EPHA7: variants seen among roughly 807,000 people sequenced by gnomAD.
EPHA7 encodes EPH receptor A7, also known as ephrin type-A receptor 7.
A neutral mutation model predicts 112.6 loss-of-function variants in EPHA7; 25 were observed. The ratio of observed to expected loss-of-function variants is 0.22; its 90% CI spans 0.16 to 0.31. EPHA7 has a LOEUF of 0.31. EPHA7 is among the 10% of genes least tolerant of loss of function. The pLI, the probability that EPHA7 is intolerant of heterozygous loss-of-function variation, is 1.00. For synonymous variants in EPHA7, 437 were observed against 406.5 expected (o/e 1.07, Z -0.90); for missense variants, 962 against 1,212.6 (o/e 0.79, Z 3.07).
At chr6:93,418,765 G>C (rs1473825555) in intron 1 of EPHA7, among the ~76,000 whole-genome samples, 1 of 152,148 alleles carries the variant, frequency 6.6e-6, no homozygotes, top group Non-Finnish European at 1.5e-5. Flanking sequence ...GGTCCCTCTG[G>C]GAAGGCTCCG....
At chr6:93,391,552 A>G (rs983489183) in intron 3 of EPHA7, among the ~76,000 whole-genome samples, 3 of 151,942 alleles carry the variant, frequency 2.0e-5, no homozygotes, top group Non-Finnish European at 4.4e-5. Flanking sequence ...AAACTAAAAA[A>G]CTATTCCTCC....
At chr6:93,253,740 G>T (rs1200844729) in intron 14 of EPHA7, among the ~76,000 whole-genome samples, 1 of 152,008 alleles carries the variant, frequency 6.6e-6, no homozygotes, top group Non-Finnish European at 1.5e-5. Flanking sequence ...CTTCCTTAGA[G>T]AATTGGCTCA....
At chr6:93,397,884 C>G (rs1265490960) in intron 3 of EPHA7, among the ~76,000 whole-genome samples, 1 of 151,912 alleles carries the variant, frequency 6.6e-6, no homozygotes, top group Non-Finnish European at 1.5e-5. Context: ...AATGTGAACT[C>G]TGGTATGTAT....
chr6:93,371,267 A>T (rs1776782723), intron 3 of EPHA7, among the ~76,000 whole-genome samples: 1 of 150,788 alleles, frequency 6.6e-6, no homozygotes, highest in Admixed American at 6.6e-5. Context: ...GGGGAAAAAA[A>T]TAACAAAAAA....
At chr6:93,396,465 A>T (rs1338458641) in intron 3 of EPHA7, among the ~76,000 whole-genome samples, 1 of 151,874 alleles carries the variant, frequency 6.6e-6, no homozygotes, top group African/African-American at 2.4e-5. Context: ...CCTAACAAAG[A>T]TGCTATAACG....
intron 5 of EPHA7, among the ~76,000 whole-genome samples, chr6:93,341,550 G>A (rs967717374): frequency 5.3e-5 from 8 of 151,786 alleles, no homozygotes; most frequent in African/African-American, 1.9e-4. Context: ...ATAGAAAACA[G>A]AGTATATAAC....
At chr6:93,302,808 G>GA (rs1773055933) in intron 5 of EPHA7, among the ~76,000 whole-genome samples, 1 of 141,966 alleles carries the variant, frequency 7.0e-6, no homozygotes, top group African/African-American at 2.6e-5. Flanking sequence ...CAGCATGGAG[G>GA]GACCTGGAGT....
chr6:93,368,366 G>C (rs1028772978), intron 3 of EPHA7, among the ~76,000 whole-genome samples: 2 of 152,080 alleles, frequency 1.3e-5, no homozygotes, highest in African/African-American at 2.4e-5. Flanking sequence ...AGCACAGGTA[G>C]ACATGCAGGA....
At chr6:93,271,748 T>C (rs532324651) in intron 6 of EPHA7, among the ~76,000 whole-genome samples, 3 of 152,012 alleles carry the variant, frequency 2.0e-5, no homozygotes, top group East Asian at 1.9e-4. Flanking sequence ...ATAAGTCCCA[T>C]ACATGATTAT....
chr6:93,322,869 C>A (rs1774143893), intron 5 of EPHA7, among the ~76,000 whole-genome samples: 1 of 151,508 alleles, frequency 6.6e-6, no homozygotes, highest in Non-Finnish European at 1.5e-5. Context: ...CCCATCTGTG[C>A]TTTACGTGTG....
chr6:93,391,119 T>C (rs1425861710), intron 3 of EPHA7, among the ~76,000 whole-genome samples: 2 of 151,968 alleles, frequency 1.3e-5, no homozygotes, highest in Non-Finnish European at 2.9e-5. Context: ...TATTTAAATC[T>C]AGTCTAATAA....
intron 3 of EPHA7, among the ~76,000 whole-genome samples, chr6:93,359,866 G>GAC (rs766436990): frequency 1.6e-5 from 2 of 122,960 alleles, no homozygotes; most frequent in African/African-American, 6.0e-5. Flanking sequence ...GAGAGAGAGA[G>GAC]AGAGAGAGAG....
chr6:93,402,136 A>T (rs1313298152), intron 3 of EPHA7, among the ~76,000 whole-genome samples: 1 of 152,038 alleles, frequency 6.6e-6, no homozygotes, highest in Non-Finnish European at 1.5e-5. Context: ...CAAACCACAG[A>T]AAACTAAATC....
chr6:93,293,012 T>A (rs1772461492), intron 5 of EPHA7, among the ~76,000 whole-genome samples: 1 of 152,042 alleles, frequency 6.6e-6, no homozygotes, highest in African/African-American at 2.4e-5. Context: ...ATGATAGAGA[T>A]GAGAAATAGT....
At chr6:93,414,790 CAT>C (rs1359057440) in intron 1 of EPHA7, 23 bp from the exon 2 acceptor site, 1 of 1,598,674 alleles carries the variant, frequency 6.3e-7, no homozygotes, top group Non-Finnish European at 8.6e-7. Context: ...GTTGTATTTC[CAT>C]ATGTTACATG....
At position 93,332,375 on chromosome 6, in the gene EPHA7, T is replaced by C. The variant is rs916430967; in HGVS notation, c.1324+24342A>G. Among the ~76,000 whole-genome samples, 8 of 151,876 alleles carry C rather than the reference T, an allele frequency of 5.3e-5. No individual in the cohort carries two copies. The East Asian group carries it at 1.5e-3, about 29-fold the overall frequency. ...CCCCAACTCAGGCAAATTATATTTCTAGTAAGTACTATAAATAATGAACAG... is the reference window on the plus strand; with the variant it reads ...CCCCAACTCAGGCAAATTATATTTCCAGTAAGTACTATAAATAATGAACAG... On this transcript the variant is annotated intron_variant, in intron 5 of 16. Transcript: ENST00000369303.
At chr6:93,289,388 A>G (rs1053097803) in intron 5 of EPHA7, among the ~76,000 whole-genome samples, 59 of 152,152 alleles carry the variant, frequency 3.9e-4, no homozygotes, top group Admixed American at 3.2e-3. Context: ...ATTAATTCAT[A>G]GTTTATAAAC....
intron 5 of EPHA7, among the ~76,000 whole-genome samples, chr6:93,289,334 T>G (rs990718718): frequency 6.6e-6 from 1 of 152,164 alleles, no homozygotes; most frequent in African/African-American, 2.4e-5. Context: ...TTTGATAATT[T>G]TTAATATATC....
chr6:93,374,217 ACCT>A (rs1776942104), intron 3 of EPHA7, among the ~76,000 whole-genome samples: 1 of 152,058 alleles, frequency 6.6e-6, no homozygotes, highest in African/African-American at 2.4e-5. Context: ...AAAACACGTC[ACCT>A]CCTTAGTGAA....
Sources: gnomAD v4.1 joint callset for allele counts (sites outside exome capture counted in the v4.1 genomes callset) on GRCh38, gnomAD v4.1.1 for gene constraint, MANE v1.5 for transcripts, NCBI Gene and HGNC (gene_info 2026-07-23, HGNC 2026-07-21) for gene names.